The following NRXN3 variants were observed in gnomAD, a reference collection of about 807,000 sequenced individuals.
NRXN3 encodes neurexin III.
NRXN3 carries 32 observed loss-of-function variants against 137.6 expected under a neutral mutation model. The ratio of observed to expected loss-of-function variants is 0.23; its 90% confidence interval spans 0.18 to 0.31. The LOEUF (loss-of-function observed/expected upper bound fraction) is 0.31. Ranked by LOEUF, NRXN3 falls within the 10% of genes least tolerant of loss-of-function variation. NRXN3 has a pLI of 1.00. For missense variants in NRXN3, 1,574 were observed against 2,062.5 expected (o/e 0.76, Z 4.59); for synonymous variants, 798 against 784.5 (o/e 1.02, Z -0.29).
intron 15 of NRXN3, among the ~76,000 whole-genome samples, chr14:79,126,830 G>T (rs900081060): frequency 3.2e-4 from 49 of 152,066 alleles, no homozygotes; most frequent in Admixed American, 9.2e-4. Flanking sequence ...ATCCTCTCCA[G>T]CACCTGTTGT....
chr14:78,796,575 G>C (rs2098822600), intron 8 of NRXN3, among the ~76,000 whole-genome samples: 2 of 152,170 alleles, frequency 1.3e-5, no homozygotes. Flanking sequence ...GCCAGAAGTC[G>C]AGTAGAGAGA....
intron 16 of NRXN3, among the ~76,000 whole-genome samples, chr14:79,658,734 A>G (rs1168837645): frequency 1.3e-5 from 2 of 152,164 alleles, no homozygotes; most frequent in Non-Finnish European, 2.9e-5. Context: ...AAGAGGCATT[A>G]TTTACATATT....
intron 4 of NRXN3, among the ~76,000 whole-genome samples, chr14:78,602,148 C>G (rs1325758232): frequency 6.6e-6 from 1 of 152,136 alleles, no homozygotes; most frequent in East Asian, 1.9e-4. Context: ...TTCAAACACT[C>G]ACAGTGATTA....
intron 15 of NRXN3, among the ~76,000 whole-genome samples, chr14:79,401,173 T>TATTTTCAAAA (rs1257668723): frequency 4.6e-5 from 7 of 152,158 alleles, no homozygotes; most frequent in African/African-American, 1.7e-4. Flanking sequence ...TTTAGTAAAA[T>TATTTTCAAAA]ATTTTCAAAA....
chr14:78,983,080 G>C (rs1598204964), intron 14 of NRXN3, among the ~76,000 whole-genome samples: 1 of 152,108 alleles, frequency 6.6e-6, no homozygotes, highest in African/African-American at 2.4e-5. Flanking sequence ...CTGAAACCAT[G>C]ATGAGATATC....
At chr14:78,830,263 A>G (rs1040817944) in intron 10 of NRXN3, among the ~76,000 whole-genome samples, 3 of 152,118 alleles carry the variant, frequency 2.0e-5, no homozygotes, top group South Asian at 2.1e-4. Context: ...AAATATTTTT[A>G]TAAGTAAGGT....
chr14:78,415,592 C>T (rs1327434472), intron 4 of NRXN3, among the ~76,000 whole-genome samples: 1 of 152,152 alleles, frequency 6.6e-6, no homozygotes, highest in Non-Finnish European at 1.5e-5. Flanking sequence ...AACCCAGATT[C>T]TTACATGGTG....
At chr14:78,965,799 A>G (rs2099416356) in intron 11 of NRXN3, among the ~76,000 whole-genome samples, 1 of 152,096 alleles carries the variant, frequency 6.6e-6, no homozygotes, top group South Asian at 2.1e-4. Flanking sequence ...ATTTCCCCTT[A>G]TATGATGAGC....
chr14:78,425,619 G>C (rs2093633505), intron 4 of NRXN3, among the ~76,000 whole-genome samples: 1 of 152,106 alleles, frequency 6.6e-6, no homozygotes, highest in African/African-American at 2.4e-5. Flanking sequence ...TGAATGGAGA[G>C]TGCTAGAAAC....
At chr14:79,170,418 T>C (rs1281776568) in intron 15 of NRXN3, among the ~76,000 whole-genome samples, 1 of 152,258 alleles carries the variant, frequency 6.6e-6, no homozygotes, top group Admixed American at 6.6e-5. Context: ...TCCATACTTA[T>C]GTCAGATGGG....
At chr14:79,628,361 G>C (rs991429724) in intron 16 of NRXN3, among the ~76,000 whole-genome samples, 1 of 152,158 alleles carries the variant, frequency 6.6e-6, no homozygotes, top group African/African-American at 2.4e-5. Flanking sequence ...CAGTTCCTAT[G>C]ACATTTTTAA....
chr14:78,771,760 A>G (rs1027864038), intron 8 of NRXN3, among the ~76,000 whole-genome samples: 2 of 152,216 alleles, frequency 1.3e-5, no homozygotes, highest in African/African-American at 4.8e-5. Context: ...ACACCCACTC[A>G]TTCTTACCAA....
intron 4 of NRXN3, among the ~76,000 whole-genome samples, chr14:78,501,130 A>G (rs1481716998): frequency 6.6e-6 from 1 of 152,156 alleles, no homozygotes; most frequent in Non-Finnish European, 1.5e-5. Context: ...ATAACAAATT[A>G]CTGTTGAACT....
chr14:78,874,705 A>G (rs1451529613), intron 10 of NRXN3, among the ~76,000 whole-genome samples: 1 of 152,112 alleles, frequency 6.6e-6, no homozygotes, highest in Non-Finnish European at 1.5e-5. Context: ...GCTTACCTCC[A>G]TGCCCAAATC....
At chr14:79,036,609 T>G (rs1343831224) in intron 15 of NRXN3, among the ~76,000 whole-genome samples, 5 of 143,938 alleles carry the variant, frequency 3.5e-5, no homozygotes, top group African/African-American at 8.0e-5. Context: ...TTTTTTTTTT[T>G]TTTTTTTTTT....
At chr14:78,227,251 G>C (rs1299348322) in intron 1 of NRXN3, among the ~76,000 whole-genome samples, 1 of 152,040 alleles carries the variant, frequency 6.6e-6, no homozygotes, top group African/African-American at 2.4e-5. Context: ...TCAGAAGCTT[G>C]AATTTAAGAT....
chr14:79,149,506 G>A (rs189598273), intron 15 of NRXN3, among the ~76,000 whole-genome samples: 15 of 152,060 alleles, frequency 9.9e-5, no homozygotes, highest in Non-Finnish European at 1.5e-5. Flanking sequence ...ACATTACTGA[G>A]TATATACCCA....
chr14:78,522,625 A>G (rs1377913554), intron 4 of NRXN3, among the ~76,000 whole-genome samples: 1 of 152,228 alleles, frequency 6.6e-6, no homozygotes, highest in Non-Finnish European at 1.5e-5. Flanking sequence ...ATGGGGTGGA[A>G]CTTCCTTTAT....
chr14:78,530,275 A>G (rs192075960), intron 4 of NRXN3, among the ~76,000 whole-genome samples: 1 of 152,308 alleles, frequency 6.6e-6, no homozygotes, highest in African/African-American at 2.4e-5. Flanking sequence ...GCACCAGGTT[A>G]CTTTTTATCT....
Sources: allele counts gnomAD v4.1 joint callset (sites outside exome capture counted in the v4.1 genomes callset), GRCh38; gene constraint gnomAD v4.1.1; transcripts MANE v1.5; gene names NCBI Gene and HGNC (gene_info 2026-07-23, HGNC 2026-07-21).